Variants in CLDND1 observed in about 807,000 individuals in gnomAD.
CLDND1 encodes the protein claudin domain containing 1.
A neutral mutation model predicts 26.3 loss-of-function variants in CLDND1; 13 were observed. The ratio of observed to expected loss-of-function variants is 0.49; its 90% CI spans 0.32 to 0.78. CLDND1 has a LOEUF of 0.78. Among genes scored for constraint, CLDND1 ranks in the 30% least tolerant of loss-of-function variants. The pLI is 0.03. For missense variants in CLDND1, 289 were observed against 312.8 expected (o/e 0.92, Z 0.57); for synonymous variants, 107 against 107.0 (o/e 1.00, Z 0.00).
At chr3:98,518,165 T>C (rs1706236493) in intron 3 of CLDND1, among the ~76,000 whole-genome samples, 2 of 152,162 alleles carry the variant, frequency 1.3e-5, no homozygotes, top group Admixed American at 6.5e-5. Context: ...TTGGTGCTGG[T>C]TTTGCTTTCT....
At chr3:98,521,071 T>G in intron 2 of CLDND1, 62 bp downstream of exon 2, 2 of 1,413,960 alleles carry the variant, frequency 1.4e-6, no homozygotes, top group Non-Finnish European at 2.0e-6. Flanking sequence ...TGGGCAATCA[T>G]TACGTCGTTT....
rs1706096781 is a variant in CLDND1, at chr3:98,515,543, T to C, written c.*1116A>G. 2.3e-6 allele frequency: 2 copies of C among 880,346 alleles called. No individual in the cohort carries two copies. Among genetic ancestry groups the C allele is most frequent in the Non-Finnish European group, 2.8e-6 (2 of 705,704 alleles). 54.5% of individuals were successfully genotyped at this position (880,346 alleles called of 1,614,324 possible). A position where few individuals can be genotyped will look rare whatever the true frequency, so the allele number is the denominator to read the frequency against. ...ACATTGAGGTTATGGTAAGAAATTA[T>C]GAAGTTACATTTTTTTAATCTGTCA... is the stretch of plus-strand genomic sequence containing the variant. On this transcript the variant is annotated 3_prime_UTR_variant, in exon 5 of 5. Transcript: ENST00000341181.
intron 1 of CLDND1, chr3:98,522,486 G>A: frequency 2.6e-6 from 3 of 1,139,362 alleles, no homozygotes; most frequent in Non-Finnish European, 3.3e-6. Flanking sequence ...CAAAAAGTTG[G>A]ATTTGTATTT....
chr3:98,516,921 T>G, intron 4 of CLDND1, 42 bp from the exon 5 acceptor site: 2 of 1,612,312 alleles, frequency 1.2e-6, no homozygotes, highest in Non-Finnish European at 1.7e-6. Flanking sequence ...CATGGCTGGA[T>G]AAAAGCACAG....
chr3:98,520,010 T>C, intron 2 of CLDND1, among the ~76,000 whole-genome samples: 1 of 152,248 alleles, frequency 6.6e-6, no homozygotes, highest in East Asian at 1.9e-4. Context: ...TATTTTGCCA[T>C]AGCACATGTC....
chr3:98,519,721 C>T (rs73144151), intron 2 of CLDND1, among the ~76,000 whole-genome samples: 29,759 of 152,070 alleles, frequency 0.2, 3,136 homozygotes, highest in Non-Finnish European at 0.23. Flanking sequence ...CCCAACTTCC[C>T]GTCTCTCCCT....
intron 1 of CLDND1, 194 bp downstream of exon 1, chr3:98,522,655 C>A (rs1408170354): frequency 9.2e-6 from 13 of 1,419,714 alleles, no homozygotes; most frequent in African/African-American, 3.0e-5. Context: ...GCGGGGCAGC[C>A]GTGCTCGGCC....
In CLDND1 at chr3:98,519,109, CT is replaced by C. The variant is rs1288096753; in HGVS notation, c.293-115del. On this transcript the variant is annotated intron_variant, in intron 2 of 4. Transcript: ENST00000341181. The stretch of plus-strand genomic sequence containing the variant: ...AGGATGTTTCCAGAGGGGTCAGCAA[CT>C]TCTCTGGCCCTGACTGACACACAGG... 16 of 637,186 alleles carry C rather than the reference CT, an allele frequency of 2.5e-5. No individual in the cohort carries two copies. In the East Asian group the frequency reaches 4.5e-4, roughly 18 times the overall value. 39.5% of individuals were successfully genotyped at this position (637,186 alleles called of 1,614,324 possible).
rs555445074 is a variant in CLDND1, at chr3:98,516,338, T to A, written c.*321A>T. 6.5e-5 allele frequency: 71 copies of A among 1,097,508 alleles called. 1 individual carries two copies. In the South Asian group the frequency reaches 1.1e-3, roughly 17 times the overall value. The allele number at this position is 1,097,508 out of a possible 1,614,324, so 68.0% of individuals were successfully genotyped here. A position where few individuals can be genotyped will look rare whatever the true frequency, so the allele number is the denominator to read the frequency against. The stretch of plus-strand genomic sequence containing the variant: ...GTTACTTTAGTTTTACTGAAAAGTC[T>A]AACAGACATTAGCACAACTTGTTTT... On this transcript the variant is annotated 3_prime_UTR_variant, in exon 5 of 5. Transcript: ENST00000341181.
In CLDND1 at chr3:98,515,731, G is replaced by T. The variant is rs1014406823; in HGVS notation, c.*928C>A. Reference sequence around the variant, plus strand: ...ACATCATATTACCACAAGAAATAAAGACCATAGTTGGAGGTTAATGGACAG... The same window carrying T: ...ACATCATATTACCACAAGAAATAAATACCATAGTTGGAGGTTAATGGACAG... On this transcript the variant is annotated 3_prime_UTR_variant, in exon 5 of 5. Transcript: ENST00000341181. The T allele has an allele frequency of 7.8e-6, 10 of 1,289,672 alleles. No homozygotes were observed. Among genetic ancestry groups the T allele is most frequent in the Admixed American group, 2.3e-5 (1 of 43,552 alleles). 79.9% of individuals were successfully genotyped at this position (1,289,672 alleles called of 1,614,324 possible).
At position 98,515,791 on chromosome 3, in the gene CLDND1, T is replaced by A; in HGVS notation, c.*868A>T. The A allele has an allele frequency of 3.9e-6, 5 of 1,289,756 alleles. No homozygotes were observed. Among genetic ancestry groups the A allele is most frequent in the Non-Finnish European group, 5.1e-6 (5 of 988,852 alleles). 79.9% of individuals were successfully genotyped at this position (1,289,756 alleles called of 1,614,324 possible). A position where few individuals can be genotyped will look rare whatever the true frequency, so the allele number is the denominator to read the frequency against. On this transcript the variant is annotated 3_prime_UTR_variant, in exon 5 of 5. Transcript: ENST00000341181. ...TAGATCTTGTGGTAGGTTTCCCAGC[T>A]CTGGAGGGTCATTATGGTGAAACGT...
intron 3 of CLDND1, chr3:98,517,471 G>C: frequency 3.2e-6 from 1 of 316,362 alleles, no homozygotes; most frequent in East Asian, 6.7e-5. Flanking sequence ...AACAACCCTA[G>C]AAAGTAGGTA....
chr3:98,520,883 A>G (rs779101806), intron 2 of CLDND1: 53 of 409,880 alleles, frequency 1.3e-4, no homozygotes, highest in South Asian at 3.9e-4. Flanking sequence ...GAGTGAGTAA[A>G]TAAGAAAAAA....
At chr3:98,519,141 T>C (rs1369774834) in intron 2 of CLDND1, 146 bp from the exon 3 acceptor site, 5 of 579,464 alleles carry the variant, frequency 8.6e-6, no homozygotes, top group African/African-American at 3.8e-5. Flanking sequence ...ACAGGTTTCA[T>C]AGATGTCCAA....
intron 1 of CLDND1, chr3:98,522,562 G>A (rs1706470667): frequency 7.3e-7 from 1 of 1,360,984 alleles, no homozygotes. Context: ...CCCAGCACTG[G>A]GAACGGCGGT....
At position 98,515,989 on chromosome 3, in the gene CLDND1, A is replaced by C. The variant is rs1438102191; in HGVS notation, c.*670T>G. On this transcript the variant is annotated 3_prime_UTR_variant, in exon 5 of 5. Coordinates refer to ENST00000341181, the MANE Select transcript of CLDND1 (RefSeq NM_001040181.2). Reference sequence around the variant, plus strand: ...GAAAATCTTACGGAGAGTTAAAAATAATACTAATCCTCGCCCGGCTGAACT... The same window carrying C: ...GAAAATCTTACGGAGAGTTAAAAATCATACTAATCCTCGCCCGGCTGAACT... 2 of 1,185,322 alleles carry C rather than the reference A, an allele frequency of 1.7e-6. No homozygotes were observed. The highest frequency in any genetic ancestry group is 1.1e-6 in the Non-Finnish European group (1 of 940,128). 73.4% of individuals were successfully genotyped at this position (1,185,322 alleles called of 1,614,324 possible).
At chr3:98,517,334 A>G in intron 3 of CLDND1, 145 bp from the exon 4 acceptor site, 1 of 905,122 alleles carries the variant, frequency 1.1e-6, no homozygotes, top group Non-Finnish European at 1.7e-6. Context: ...TCTAAAGCAC[A>G]TTATTCAAAA....
Position 98,516,524 on chromosome 3 carries a change from G to C in CLDND1, c.*135C>G. On this transcript the variant is annotated 3_prime_UTR_variant, in exon 5 of 5. Coordinates refer to ENST00000341181, the MANE Select transcript of CLDND1 (RefSeq NM_001040181.2). ...TAAGTGTGTATTTAGTGGTGAATGT[G>C]TATAAATAAAATAGATTTTCATAAT... is the stretch of plus-strand genomic sequence containing the variant. The C allele has an allele frequency of 7.0e-7, 1 of 1,418,936 alleles. No individual in the cohort carries two copies. The highest frequency in any genetic ancestry group is 9.2e-7 in the Non-Finnish European group (1 of 1,083,430). The allele number at this position is 1,418,936 out of a possible 1,614,324, so 87.9% of individuals were successfully genotyped here.
rs375451587 is a variant in CLDND1 at position 98,516,809 on chromosome 3, G to A, written c.612C>T (p.Leu204=). The A allele has an allele frequency of 2.9e-5, 47 of 1,614,046 alleles. No individual in the cohort carries two copies. The African/African-American group carries it at 6.0e-4, about 21-fold the overall frequency. The change falls in exon 5 of 5, where the codon CTC becomes CTT. Residue 204 remains leucine (L), a synonymous_variant. Transcript: ENST00000341181. ...GIELLHQKLE[L]PDNVSGEFGW... ...CAAATTCACCGGATACATTGTCAGG[G>A]AGCTCTAGTTTCTGGTGGAGTAGTT...
Sources: allele counts gnomAD v4.1 joint callset (sites outside exome capture counted in the v4.1 genomes callset), GRCh38; gene constraint gnomAD v4.1.1; transcripts MANE v1.5; gene names NCBI Gene and HGNC (gene_info 2026-07-23, HGNC 2026-07-21).